Variants in LTBP1 observed in about 807,000 individuals in gnomAD.
LTBP1 encodes latent transforming growth factor beta binding protein 1, also known as latent-transforming growth factor beta-binding protein 1.
LTBP1 carries 129 observed loss-of-function variants against 207.6 expected under a neutral mutation model. The ratio of observed to expected loss-of-function variants is 0.62; its 90% CI spans 0.54 to 0.72. The LOEUF is 0.72. Ranked by LOEUF, LTBP1 falls within the 30% of genes least tolerant of loss-of-function variation. LTBP1 has a pLI of 0.00. For missense variants in LTBP1, 2,281 were observed against 2,217.2 expected (o/e 1.03, Z -0.58); for synonymous variants, 963 against 833.7 (o/e 1.16, Z -2.67).
intron 19 of LTBP1, among the ~76,000 whole-genome samples, chr2:33,288,978 T>G (rs1193425597): frequency 3.3e-5 from 5 of 152,180 alleles, no homozygotes; most frequent in Admixed American, 3.3e-4. Context: ...ATGAAACATT[T>G]TAAAAAGGAA....
At chr2:33,187,882 T>C (rs528131224) in intron 6 of LTBP1, among the ~76,000 whole-genome samples, 2 of 152,340 alleles carry the variant, frequency 1.3e-5, no homozygotes, top group African/African-American at 4.8e-5. Context: ...ATCCTACAAT[T>C]TTTATGACAG....
At chr2:33,315,055 C>A (rs2094246755) in intron 23 of LTBP1, 89 bp from the exon 24 acceptor site, 2 of 1,049,746 alleles carry the variant, frequency 1.9e-6, no homozygotes, top group Non-Finnish European at 2.8e-6. Context: ...CCAGCCATGT[C>A]ATAATAGATT....
chr2:33,313,079 A>G (rs71447904), intron 23 of LTBP1, among the ~76,000 whole-genome samples: 3 of 152,232 alleles, frequency 2.0e-5, no homozygotes, highest in African/African-American at 7.2e-5. Context: ...ACAAACATAG[A>G]CAATGTCAGA....
At chr2:33,030,033 C>G (rs1478131787) in intron 3 of LTBP1, among the ~76,000 whole-genome samples, 2 of 152,120 alleles carry the variant, frequency 1.3e-5, no homozygotes, top group African/African-American at 4.8e-5. Context: ...TTAAAAAACT[C>G]TCTTTCCGAG....
At chr2:33,316,132 GT>G (rs1352297147) in intron 24 of LTBP1, among the ~76,000 whole-genome samples, 2 of 136,712 alleles carry the variant, frequency 1.5e-5, no homozygotes, top group Non-Finnish European at 3.3e-5. Context: ...ACCTCTGTAT[GT>G]TTGCAAGAAT....
intron 32 of LTBP1, among the ~76,000 whole-genome samples, chr2:33,390,222 A>G (rs1306832782): frequency 6.6e-6 from 1 of 152,218 alleles, no homozygotes; most frequent in Non-Finnish European, 1.5e-5. Context: ...TAGTGAGCAC[A>G]GCTTTCATGG....
At chr2:33,164,934 A>G (rs113356909) in intron 5 of LTBP1, among the ~76,000 whole-genome samples, 2,525 of 152,362 alleles carry the variant, frequency 0.017, 24 homozygotes, top group East Asian at 0.027. Context: ...GTCAAAAGGA[A>G]GCTTCACTTA....
intron 2 of LTBP1, among the ~76,000 whole-genome samples, chr2:32,971,630 C>A (rs1356314213): frequency 6.6e-6 from 1 of 152,104 alleles, no homozygotes; most frequent in Non-Finnish European, 1.5e-5. Context: ...GCCTTACATC[C>A]CAGCGATAAA....
chr2:33,089,810 G>C (rs2078977413), intron 3 of LTBP1, among the ~76,000 whole-genome samples: 1 of 152,122 alleles, frequency 6.6e-6, no homozygotes, highest in African/African-American at 2.4e-5. Context: ...TCACCAATAT[G>C]TTTATATATT....
chr2:33,203,067 C>A, intron 7 of LTBP1, among the ~76,000 whole-genome samples: 1 of 89,524 alleles, frequency 1.1e-5, no homozygotes, highest in African/African-American at 4.4e-5. Context: ...TTGAGTGTTA[C>A]TGAGTCTCTT....
intron 26 of LTBP1, among the ~76,000 whole-genome samples, chr2:33,349,525 G>T (rs1306653225): frequency 6.6e-6 from 1 of 151,890 alleles, no homozygotes; most frequent in Non-Finnish European, 1.5e-5. Flanking sequence ...TTCATTTGTG[G>T]AGTTTGTGTG....
At chr2:33,213,705 C>G (rs1387445437) in intron 7 of LTBP1, among the ~76,000 whole-genome samples, 2 of 152,186 alleles carry the variant, frequency 1.3e-5, no homozygotes, top group African/African-American at 2.4e-5. Flanking sequence ...GAAGCCTCTT[C>G]ATAGTTAAAT....
At chr2:33,046,447 C>A (rs1338731970) in intron 3 of LTBP1, among the ~76,000 whole-genome samples, 1 of 152,172 alleles carries the variant, frequency 6.6e-6, no homozygotes, top group African/African-American at 2.4e-5. Flanking sequence ...ACCAGCCTTG[C>A]CTCCCGGGGA....
intron 26 of LTBP1, among the ~76,000 whole-genome samples, chr2:33,353,476 T>C (rs901411682): frequency 6.6e-6 from 1 of 152,336 alleles, no homozygotes; most frequent in Middle Eastern, 3.4e-3. Context: ...AGCTCACTGC[T>C]GAGCACGGCG....
In LTBP1 at chr2:33,187,085, G is replaced by T; in HGVS notation, c.1426+5G>T. ...CTAGCCAGCAAGGAGTCAAAGGTAAGCTTTTTTCATTCCGCCCATTTGCCA... is the reference window on the plus strand; with the variant it reads ...CTAGCCAGCAAGGAGTCAAAGGTAATCTTTTTTCATTCCGCCCATTTGCCA... On this transcript the variant is annotated splice_donor_5th_base_variant and intron_variant, in intron 6 of 33. Transcript: ENST00000404816. 1.2e-6 allele frequency: 2 copies of T among 1,612,468 alleles called. No homozygotes were observed. Among genetic ancestry groups the T allele is most frequent in the South Asian group, 1.1e-5 (1 of 91,010 alleles).
chr2:33,201,952 T>C (rs2089333413), intron 7 of LTBP1, among the ~76,000 whole-genome samples: 1 of 151,842 alleles, frequency 6.6e-6, no homozygotes, highest in South Asian at 2.1e-4. Context: ...AACAAGATTA[T>C]CTAATTGAAG....
intron 5 of LTBP1, among the ~76,000 whole-genome samples, chr2:33,175,944 G>C (rs1310588013): frequency 1.0e-5 from 1 of 97,492 alleles, no homozygotes. Flanking sequence ...TCATAGGTGG[G>C]AATTGAACAG....
chr2:33,248,285 A>G (rs1175862878), intron 10 of LTBP1, among the ~76,000 whole-genome samples: 2 of 152,130 alleles, frequency 1.3e-5, no homozygotes, highest in African/African-American at 4.8e-5. Context: ...CAAGATCTCT[A>G]TTGGATTTGT....
chr2:33,138,213 C>T (rs191693845), intron 5 of LTBP1, among the ~76,000 whole-genome samples: 102 of 152,260 alleles, frequency 6.7e-4, no homozygotes, highest in African/African-American at 2.1e-3. Context: ...CAGGTATTTT[C>T]GCATGACTAT....
Sources: gnomAD v4.1 joint callset for allele counts (sites outside exome capture counted in the v4.1 genomes callset) on GRCh38, gnomAD v4.1.1 for gene constraint, MANE v1.5 for transcripts, NCBI Gene and HGNC (gene_info 2026-07-23, HGNC 2026-07-21) for gene names.